Variants in CATSPERT observed in about 807,000 individuals in gnomAD.
CATSPERT encodes the protein catsper channel auxiliary subunit tau.
At chr2:201,539,682 T>C in the CATSPERT span, among the ~76,000 whole-genome samples, 1 of 151,992 alleles carries the variant, frequency 6.6e-6, no homozygotes, top group Non-Finnish European at 1.5e-5. Flanking sequence ...ACTATGCCAC[T>C]GACCAGCTGT....
chr2:201,518,352 C>T, the CATSPERT span, among the ~76,000 whole-genome samples: 1 of 152,210 alleles, frequency 6.6e-6, no homozygotes, highest in Admixed American at 6.5e-5. Flanking sequence ...GGCTTATGAG[C>T]CACTGCTGCT....
the CATSPERT span, chr2:201,492,704 T>C: frequency 6.5e-7 from 1 of 1,535,410 alleles, no homozygotes. Flanking sequence ...TTGAAATTGT[T>C]GACAAAAGAC....
the CATSPERT span, among the ~76,000 whole-genome samples, chr2:201,552,070 G>A: frequency 6.7e-6 from 1 of 150,050 alleles, no homozygotes; most frequent in African/African-American, 2.5e-5. Context: ...GGCCCCGTGT[G>A]ATCTCGGCTC....
At chr2:201,493,672 T>C in the CATSPERT span, 83,865 of 1,537,232 alleles carry the variant, frequency 0.055, 2,620 homozygotes, top group African/African-American at 0.12. Context: ...ATTTTCCAAG[T>C]TCATTGGTGT....
At chr2:201,601,613 C>T in the CATSPERT span, 8 of 858,162 alleles carry the variant, frequency 9.3e-6, no homozygotes, top group Non-Finnish European at 1.4e-5. Context: ...CTGTAAGATA[C>T]CAAATAAAAA....
At chr2:201,533,856 C>T in the CATSPERT span, among the ~76,000 whole-genome samples, 44 of 152,092 alleles carry the variant, frequency 2.9e-4, no homozygotes, top group African/African-American at 1.0e-3. Context: ...ACCCTGTGCT[C>T]GTCCCAAGCC....
At chr2:201,557,169 T>C in the CATSPERT span, 3 of 152,348 alleles carry the variant, frequency 2.0e-5, no homozygotes, top group East Asian at 5.8e-4. Context: ...ACATGATCAA[T>C]CATAGCATTT....
chr2:201,573,811 C>T, the CATSPERT span, among the ~76,000 whole-genome samples: 1 of 152,114 alleles, frequency 6.6e-6, no homozygotes, highest in Admixed American at 6.5e-5. Context: ...CGCCTGCCAC[C>T]ATGCCTGGCT....
chr2:201,511,960 T>C, the CATSPERT span: 73 of 152,106 alleles, frequency 4.8e-4, 1 homozygote, highest in Middle Eastern at 0.017. Flanking sequence ...GCAATTAACT[T>C]GGACTTTCAG....
At chr2:201,595,906 C>CAAA in the CATSPERT span, among the ~76,000 whole-genome samples, 16 of 142,096 alleles carry the variant, frequency 1.1e-4, no homozygotes, top group East Asian at 1.0e-3. Context: ...ACTAAAAACT[C>CAAA]AAAAAAAAAA....
chr2:201,509,208 A>C, the CATSPERT span, among the ~76,000 whole-genome samples: 8,774 of 150,684 alleles, frequency 0.058, 586 homozygotes, highest in African/African-American at 0.082. Context: ...GGGAGGTGAT[A>C]ATTCACTGTG....
chr2:201,515,818 T>G, the CATSPERT span, among the ~76,000 whole-genome samples: 7 of 152,186 alleles, frequency 4.6e-5, no homozygotes, highest in Non-Finnish European at 1.0e-4. Flanking sequence ...CTGTGGCAAA[T>G]GGCAAGGACT....
At chr2:201,500,731 A>G in the CATSPERT span, among the ~76,000 whole-genome samples, 2 of 152,032 alleles carry the variant, frequency 1.3e-5, no homozygotes, top group Non-Finnish European at 2.9e-5. Flanking sequence ...ACGTCATGAA[A>G]CCACAATATT....
chr2:201,605,609 G>C, the CATSPERT span, among the ~76,000 whole-genome samples: 1 of 151,996 alleles, frequency 6.6e-6, no homozygotes, highest in Non-Finnish European at 1.5e-5. Flanking sequence ...GCAAAGAAAT[G>C]ACCATGGCCA....
the CATSPERT span, chr2:201,603,311 G>A: frequency 6.3e-7 from 1 of 1,585,902 alleles, no homozygotes; most frequent in Non-Finnish European, 8.6e-7. Context: ...GACAGTGAAT[G>A]CATTTAAAAA....
the CATSPERT span, among the ~76,000 whole-genome samples, chr2:201,573,814 G>A: frequency 1.3e-5 from 2 of 152,014 alleles, no homozygotes; most frequent in African/African-American, 4.8e-5. Context: ...CTGCCACCAT[G>A]CCTGGCTAAT....
chr2:201,609,021 A>C, the CATSPERT span, among the ~76,000 whole-genome samples: 4 of 152,192 alleles, frequency 2.6e-5, no homozygotes, highest in Admixed American at 2.6e-4. Flanking sequence ...TGCCAGGAGC[A>C]GAAGTAGCTA....
chr2:201,493,915 C>A, the CATSPERT span: 3 of 1,537,096 alleles, frequency 2.0e-6, no homozygotes, highest in Non-Finnish European at 2.6e-6. Flanking sequence ...TTGTCCTGGT[C>A]CACTTTCTAA....
At chr2:201,608,463 A>G in the CATSPERT span, among the ~76,000 whole-genome samples, 2 of 152,256 alleles carry the variant, frequency 1.3e-5, no homozygotes, top group South Asian at 4.1e-4. Context: ...ATTTTAATGC[A>G]TGTTTTTAAA....
Sources: gnomAD v4.1 joint callset for allele counts (sites outside exome capture counted in the v4.1 genomes callset) on GRCh38, gnomAD v4.1.1 for gene constraint, MANE v1.5 for transcripts, NCBI Gene and HGNC (gene_info 2026-07-23, HGNC 2026-07-21) for gene names.